The following CDH23 variants were observed in gnomAD, a reference collection of about 807,000 sequenced individuals.
CDH23 encodes the protein cadherin related 23.
Under a neutral mutation model 317.1 loss-of-function variants are expected in CDH23, and 189 were observed. The ratio of observed to expected loss-of-function variants is 0.60; its 90% CI spans 0.53 to 0.67. CDH23 has a LOEUF of 0.67. CDH23 is among the 30% of genes least tolerant of loss of function. CDH23 has a pLI of 0.00. For missense variants in CDH23, 4,401 were observed against 4,592.4 expected, an observed-to-expected ratio of 0.96 and a Z score of 1.20; for synonymous variants, 1,839 against 1,876.8, an observed-to-expected ratio of 0.98 and a Z score of 0.52.
chr10:71,558,410 A>G (rs1856973773), intron 6 of CDH23, among the ~76,000 whole-genome samples: 1 of 151,882 alleles, frequency 6.6e-6, no homozygotes, highest in African/African-American at 2.4e-5. Flanking sequence ...ATTTGTTTCT[A>G]CTTTTGGGGA....
chr10:71,594,100 G>A (rs1026895392), intron 9 of CDH23, among the ~76,000 whole-genome samples: 11 of 152,100 alleles, frequency 7.2e-5, no homozygotes, highest in Non-Finnish European at 1.6e-4. Flanking sequence ...TCTCTAAAAA[G>A]GATAAAAGAA....
intron 1 of CDH23, among the ~76,000 whole-genome samples, chr10:71,403,415 T>TCCTC (rs1396169381): frequency 1.9e-5 from 1 of 52,106 alleles, no homozygotes; most frequent in Non-Finnish European, 3.2e-5. Flanking sequence ...TTCTCTTCCT[T>TCCTC]CCTTCCTTCC....
At chr10:71,739,518 C>T in intron 35 of CDH23, 126 bp from the exon 36 acceptor site, 3 of 1,185,170 alleles carry the variant, frequency 2.5e-6, no homozygotes, top group Non-Finnish European at 3.5e-6. Context: ...AAACACTGCA[C>T]TCCCAAAAGC....
At position 71,615,393 on chromosome 10, in the gene CDH23, T is replaced by TCTTTA. The variant is rs1861124182; in HGVS notation, c.833-110_833-106dup. The TCTTTA allele has an allele frequency of 5.5e-6, 4 of 732,928 alleles. No homozygotes were observed. The Admixed American group carries it at 8.0e-5, about 15-fold the overall frequency. 45.4% of individuals were successfully genotyped at this position (732,928 alleles called of 1,614,324 possible). ...GCATTCATTTCAAGTAACTGATGAG[T>TCTTTA]CTTTAATGCCCAGAGAGGAGCCCTG... On this transcript the variant is annotated intron_variant, in intron 9 of 69. Coordinates refer to ENST00000224721, the MANE Select transcript of CDH23 (RefSeq NM_022124.6).
In CDH23 at chr10:71,790,767, C is replaced by T. The variant is rs1364774584; in HGVS notation, c.6049+354C>T. 2.4e-5 allele frequency: 11 copies of T among 462,994 alleles called. 1 individual carries two copies. In the South Asian group the frequency reaches 2.8e-4, roughly 12 times the overall value. The allele number at this position is 462,994 out of a possible 1,614,324, so 28.7% of individuals were successfully genotyped here. On this transcript the variant is annotated intron_variant, in intron 46 of 69. Transcript: ENST00000224721. ...GCGACTTTCCTGTCCTCCAACCAGA[C>T]CATGCCACATCCGTCTGGTCCTGGA...
chr10:71,706,911 G>T lies in CDH23; in HGVS notation c.2968G>T (p.Asp990Tyr). 1 of 1,602,284 alleles carries T rather than the reference G, an allele frequency of 6.2e-7. No individual in the cohort carries two copies. The highest frequency in any genetic ancestry group is 1.7e-5 in the Admixed American group (1 of 58,502). Residue 990 changes from aspartate to tyrosine, a missense_variant, in exon 26 of 70, where the codon GAC (aspartate) becomes TAC (tyrosine). By Grantham distance (160) the Asp-to-Tyr change is radical (BLOSUM62 -3). Around this residue, in one of 3 missense-constraint regions of CDH23, gnomAD observed 3,068 missense variants for 3,203.3 expected, o/e 0.96. Coordinates refer to ENST00000224721, the MANE Select transcript of CDH23 (RefSeq NM_022124.6). ...CTGCCCCGCAGTGCTGGATGTGAAC[G>T]ACGAGACGCCCACCTTCTTCCCGGC... ...TLTIHVLDVNDETPTFFPAVY... is the reference protein window; with the variant it reads ...TLTIHVLDVNYETPTFFPAVY...
chr10:71,789,163 AG>A, intron 45 of CDH23, 121 bp downstream of exon 45: 1 of 612,280 alleles, frequency 1.6e-6, no homozygotes, highest in Non-Finnish European at 2.9e-6. Context: ...TGGGTGCGGG[AG>A]GGGAAGGATG....
At chr10:71,650,091 T>C (rs764381116) in intron 14 of CDH23, among the ~76,000 whole-genome samples, 8 of 152,208 alleles carry the variant, frequency 5.3e-5, no homozygotes, top group Non-Finnish European at 1.2e-4. Flanking sequence ...CTCTCTGCGG[T>C]ATCCACAGGG....
At chr10:71,515,150 T>C (rs1854216471) in intron 6 of CDH23, among the ~76,000 whole-genome samples, 1 of 152,168 alleles carries the variant, frequency 6.6e-6, no homozygotes, top group Non-Finnish European at 1.5e-5. Flanking sequence ...GGTCAGGGAA[T>C]CTGGAGGACC....
intron 66 of CDH23, chr10:71,812,243 G>A (rs1014140754): frequency 1.3e-6 from 2 of 1,597,348 alleles, no homozygotes; most frequent in Admixed American, 3.4e-5. Flanking sequence ...CAGACTTTGG[G>A]CAGTGGGTGC....
chr10:71,489,994 G>T (rs1401048619), intron 3 of CDH23, among the ~76,000 whole-genome samples: 4 of 151,900 alleles, frequency 2.6e-5, no homozygotes, highest in Admixed American at 1.3e-4. Context: ...CTGACAATAA[G>T]GGGGAGGTTC....
At chr10:71,646,017 G>A (rs1426923398) in intron 13 of CDH23, 37 bp downstream of exon 13, 4 of 1,595,086 alleles carry the variant, frequency 2.5e-6, no homozygotes, top group Non-Finnish European at 3.4e-6. Context: ...GAGTGGGGTG[G>A]GGGGTGGATT....
At position 71,759,924 on chromosome 10, in the gene CDH23, CACACACATATAT is replaced by C. The variant is rs566503699; in HGVS notation, c.4846-17748_4846-17737del. Among the ~76,000 whole-genome samples the C allele has an allele frequency of 1.4e-3, 123 of 88,122 alleles. 4 individuals carry two copies. The highest frequency in any genetic ancestry group is 5.3e-3 in the Middle Eastern group (1 of 188). 57.8% of individuals were successfully genotyped at this position (88,122 alleles called of 152,430 possible). A position where few individuals can be genotyped will look rare whatever the true frequency, so the allele number is the denominator to read the frequency against. ...ATATATACACACACACATATATACA[CACACACATATAT>C]ACACACACACATATATATACACACA... On this transcript the variant is annotated intron_variant, in intron 38 of 69. Coordinates refer to ENST00000224721, the MANE Select transcript of CDH23 (RefSeq NM_022124.6).
At chr10:71,603,434 G>A (rs1268746297) in intron 9 of CDH23, among the ~76,000 whole-genome samples, 1 of 149,664 alleles carries the variant, frequency 6.7e-6, no homozygotes, top group Non-Finnish European at 1.5e-5. Context: ...GAGTTATGTG[G>A]GCCCTGCCCA....
intron 3 of CDH23, among the ~76,000 whole-genome samples, chr10:71,486,862 G>C (rs1233672816): frequency 3.9e-5 from 6 of 152,166 alleles, no homozygotes; most frequent in African/African-American, 1.2e-4. Context: ...GAGCTGCAAT[G>C]CAGCTGCTGG....
At chr10:71,704,670 G>T (rs1865711829) in intron 24 of CDH23, among the ~76,000 whole-genome samples, 1 of 152,148 alleles carries the variant, frequency 6.6e-6, no homozygotes. Context: ...AAGTCCCTCT[G>T]CCACCCCATC....
At chr10:71,524,567 C>T (rs1233963641) in intron 6 of CDH23, among the ~76,000 whole-genome samples, 7 of 152,158 alleles carry the variant, frequency 4.6e-5, no homozygotes, top group African/African-American at 7.2e-5. Flanking sequence ...GAGTAATGCC[C>T]CCTTGCCCAC....
intron 3 of CDH23, among the ~76,000 whole-genome samples, chr10:71,508,749 C>T (rs1298735299): frequency 6.6e-6 from 1 of 152,200 alleles, no homozygotes; most frequent in Non-Finnish European, 1.5e-5. Context: ...GGCCATGGCT[C>T]CGATCTCCTC....
intron 1 of CDH23, among the ~76,000 whole-genome samples, chr10:71,407,018 G>C (rs1399276163): frequency 6.6e-6 from 1 of 152,208 alleles, no homozygotes; most frequent in African/African-American, 2.4e-5. Context: ...CTACGAATTA[G>C]GGTCAGCTGT....
Sources: gnomAD v4.1 joint callset for allele counts (sites outside exome capture counted in the v4.1 genomes callset) on GRCh38, gnomAD v4.1.1 for gene constraint, gnomAD v4.1.1 regional missense constraint, MANE v1.5 for transcripts, NCBI Gene and HGNC (gene_info 2026-07-23, HGNC 2026-07-21) for gene names.